Variants in SCEL observed in about 807,000 individuals in gnomAD.
SCEL encodes sciellin.
In SCEL, 113 loss-of-function variants were observed where a neutral mutation model predicts 117.6. The observed-to-expected ratio is 0.96, with a 90% CI of 0.83 to 1.12. The LOEUF (loss-of-function observed/expected upper bound fraction) is 1.12. SCEL is among the 50% of genes most tolerant of loss of function. The pLI is 0.00. For synonymous variants in SCEL, 270 were observed against 256.2 expected (o/e 1.05, Z -0.51); for missense variants, 785 against 810.8 (o/e 0.97, Z 0.39).
At chr13:77,604,208 A>T (rs2087938922) in intron 18 of SCEL, 148 bp from the exon 19 acceptor site, 1 of 490,216 alleles carries the variant, frequency 2.0e-6, no homozygotes, top group Non-Finnish European at 3.5e-6. Context: ...TTGTAAGAGA[A>T]TATTTTCATT....
intron 29 of SCEL, 145 bp downstream of exon 29, chr13:77,634,595 TTCTC>T: frequency 1.9e-6 from 1 of 527,266 alleles, no homozygotes; most frequent in South Asian, 3.1e-5. Context: ...ATATATATAA[TTCTC>T]TATAATGTTT....
intron 28 of SCEL, among the ~76,000 whole-genome samples, chr13:77,631,394 A>C (rs941074135): frequency 2.1e-4 from 32 of 152,266 alleles, no homozygotes; most frequent in Admixed American, 1.8e-3. Flanking sequence ...CCAAAGAGAC[A>C]TGATGGATAT....
chr13:77,550,426 T>C (rs1004607304), intron 1 of SCEL, among the ~76,000 whole-genome samples: 3 of 149,316 alleles, frequency 2.0e-5, no homozygotes, highest in Non-Finnish European at 3.0e-5. Flanking sequence ...TATATATATA[T>C]CTCCAAGGTT....
Position 77,644,322 on chromosome 13 carries a change from A to G in SCEL, c.*48A>G, listed in dbSNP as rs771671155. 6.3e-7 allele frequency: 1 copy of G among 1,581,948 alleles called. No individual in the cohort carries two copies. Among genetic ancestry groups the G allele is most frequent in the Non-Finnish European group, 8.7e-7 (1 of 1,152,834 alleles). Reference sequence around the variant, plus strand: ...TGAAAAGCACTCATTAAGGAATTAAAGTTACAAGTTTTATCTTAATAATAT... The same window carrying G: ...TGAAAAGCACTCATTAAGGAATTAAGGTTACAAGTTTTATCTTAATAATAT... On this transcript the variant is annotated 3_prime_UTR_variant, in exon 33 of 33. Coordinates refer to ENST00000349847, the MANE Select transcript of SCEL (RefSeq NM_144777.3).
chr13:77,540,478 G>A (rs1448965536), intron 1 of SCEL, among the ~76,000 whole-genome samples: 2 of 152,228 alleles, frequency 1.3e-5, no homozygotes, highest in Non-Finnish European at 2.9e-5. Context: ...AGCCTGGGGA[G>A]GAAGGAGTGG....
intron 3 of SCEL, 98 bp from the exon 4 acceptor site, chr13:77,559,706 C>T (rs187045923): frequency 9.9e-5 from 97 of 979,504 alleles, no homozygotes; most frequent in Admixed American, 8.7e-4. Flanking sequence ...ATTAACCTTG[C>T]CAAAAATTGG....
intron 1 of SCEL, among the ~76,000 whole-genome samples, chr13:77,555,258 A>G (rs1167411644): frequency 6.6e-6 from 1 of 152,068 alleles, no homozygotes; most frequent in Admixed American, 6.6e-5. Flanking sequence ...ACCCCTTAAC[A>G]CCAGAAGAGT....
intron 19 of SCEL, among the ~76,000 whole-genome samples, chr13:77,605,907 A>G (rs543330829): frequency 6.6e-6 from 1 of 152,212 alleles, no homozygotes; most frequent in African/African-American, 2.4e-5. Flanking sequence ...GAATTGCTTG[A>G]ACCTGGGAGG....
intron 27 of SCEL, among the ~76,000 whole-genome samples, chr13:77,624,225 C>T (rs1233283056): frequency 6.6e-6 from 1 of 151,622 alleles, no homozygotes; most frequent in Non-Finnish European, 1.5e-5. Context: ...CCTGCCTCAG[C>T]CTCCTGAGTA....
At chr13:77,630,136 G>C in intron 28 of SCEL, among the ~76,000 whole-genome samples, 1 of 152,114 alleles carries the variant, frequency 6.6e-6, no homozygotes, top group East Asian at 1.9e-4. Flanking sequence ...GCTATCCTTG[G>C]GGGAGAATGA....
At chr13:77,625,991 A>AT (rs1277134408) in intron 27 of SCEL, among the ~76,000 whole-genome samples, 1 of 152,196 alleles carries the variant, frequency 6.6e-6, no homozygotes, top group Non-Finnish European at 1.5e-5. Flanking sequence ...TGCTTATTCA[A>AT]TTCACCCACA....
intron 8 of SCEL, 63 bp downstream of exon 8, chr13:77,569,514 T>C: frequency 4.7e-6 from 6 of 1,277,254 alleles, no homozygotes; most frequent in Non-Finnish European, 6.7e-6. Context: ...ATTAGAAAGC[T>C]TCCTCCTCTT....
intron 11 of SCEL, 54 bp from the exon 12 acceptor site, chr13:77,593,460 C>A: frequency 7.2e-7 from 1 of 1,393,652 alleles, no homozygotes; most frequent in Non-Finnish European, 1.0e-6. Flanking sequence ...ATTTTAGCTC[C>A]TTCAAAAATA....
intron 10 of SCEL, among the ~76,000 whole-genome samples, chr13:77,590,701 C>T (rs1390606606): frequency 2.6e-5 from 4 of 151,984 alleles, no homozygotes; most frequent in Non-Finnish European, 5.9e-5. Flanking sequence ...GTCCTGACTA[C>T]TTTAATCACA....
chr13:77,611,646 T>C (rs2088647472), intron 22 of SCEL, among the ~76,000 whole-genome samples: 1 of 152,196 alleles, frequency 6.6e-6, no homozygotes, highest in African/African-American at 2.4e-5. Flanking sequence ...TGTATTGCAT[T>C]TGGTTGTGTG....
chr13:77,582,142 T>C (rs905397814), intron 9 of SCEL, among the ~76,000 whole-genome samples: 2 of 152,218 alleles, frequency 1.3e-5, no homozygotes, highest in Non-Finnish European at 2.9e-5. Flanking sequence ...CAGAATGTCA[T>C]ATAATGGAAT....
intron 11 of SCEL, among the ~76,000 whole-genome samples, chr13:77,593,280 G>GTA (rs2086991198): frequency 8.9e-6 from 1 of 112,246 alleles, no homozygotes; most frequent in African/African-American, 4.8e-5. Flanking sequence ...GTGTGTGTGT[G>GTA]TGTGTGTGTG....
At chr13:77,591,281 A>T in intron 10 of SCEL, 114 bp from the exon 11 acceptor site, 1 of 711,672 alleles carries the variant, frequency 1.4e-6, no homozygotes, top group Non-Finnish European at 2.5e-6. Flanking sequence ...AGGTAGTGTT[A>T]TGGTTCCAAC....
At chr13:77,571,712 C>T (rs1002553546) in intron 8 of SCEL, among the ~76,000 whole-genome samples, 1 of 145,102 alleles carries the variant, frequency 6.9e-6, no homozygotes, top group African/African-American at 2.5e-5. Context: ...AAAAATAAAA[C>T]ATATATATAT....
Sources: gnomAD v4.1 joint callset for allele counts (sites outside exome capture counted in the v4.1 genomes callset) on GRCh38, gnomAD v4.1.1 for gene constraint, MANE v1.5 for transcripts, NCBI Gene and HGNC (gene_info 2026-07-23, HGNC 2026-07-21) for gene names.